TOMM34: variants seen among roughly 807,000 people sequenced by gnomAD.
TOMM34 encodes the protein mitochondrial import receptor subunit TOM34.
In TOMM34, 24 loss-of-function variants were observed where a neutral mutation model predicts 37.4. The ratio of observed to expected loss-of-function variants is 0.64; its 90% confidence interval spans 0.46 to 0.90. TOMM34 has a LOEUF of 0.90. Among genes scored for constraint, TOMM34 ranks in the 40% least tolerant of loss-of-function variants. The pLI, the probability that TOMM34 is intolerant of heterozygous loss-of-function variation, is 0.00. For missense variants in TOMM34, 304 were observed against 375.6 expected (o/e 0.81, Z 1.58); for synonymous variants, 154 against 148.9 (o/e 1.03, Z -0.25).
In TOMM34 at chr20:44,952,012, A is replaced by G; in HGVS notation, c.381-10T>C. On this transcript the variant is annotated splice_polypyrimidine_tract_variant and intron_variant, in intron 3 of 6. Coordinates refer to ENST00000372813, the MANE Select transcript of TOMM34 (RefSeq NM_006809.5). ...GAGAGCTCTGGTCATTCTGGAAAAG[A>G]AGGCAGGATTGCAGGGAGGTTTCCA... The G allele has an allele frequency of 1.2e-5, 19 of 1,603,954 alleles. No homozygotes were observed. Among genetic ancestry groups the G allele is most frequent in the East Asian group, 6.7e-5 (3 of 44,638 alleles).
In TOMM34 at chr20:44,956,424, C is replaced by G; in HGVS notation, c.189G>C (p.Lys63Asn). The change falls in exon 2 of 7, where the codon AAG becomes AAC. Residue 63 changes from lysine to asparagine, a missense_variant. Coordinates refer to ENST00000372813, the MANE Select transcript of TOMM34 (RefSeq NM_006809.5). ...LYSNRAACHL[K>N]DGNCRDCIKD... Reference sequence around the variant, plus strand: ...TGATGCAGTCTCTGCAGTTTCCATCCTTCAAGTGACATGCTGCTCGGTTGG... The same window carrying G: ...TGATGCAGTCTCTGCAGTTTCCATCGTTCAAGTGACATGCTGCTCGGTTGG... The G allele has an allele frequency of 1.2e-6, 2 of 1,614,216 alleles. No individual in the cohort carries two copies. The highest frequency in any genetic ancestry group is 1.7e-6 in the Non-Finnish European group (2 of 1,180,046).
At position 44,960,382 on chromosome 20, in the gene TOMM34, T is replaced by C; in HGVS notation, c.-49A>G. Reference sequence around the variant, plus strand: ...GGAGCTCCTTCCTTCCTCCCCCGTGTGGTGCGGCACACCTTCCGGGCGCAA... The same window carrying C: ...GGAGCTCCTTCCTTCCTCCCCCGTGCGGTGCGGCACACCTTCCGGGCGCAA... On this transcript the variant is annotated 5_prime_UTR_variant, in exon 1 of 7. Coordinates refer to ENST00000372813, the MANE Select transcript of TOMM34 (RefSeq NM_006809.5). 6.7e-7 allele frequency: 1 copy of C among 1,493,706 alleles called. No homozygotes were observed. The highest frequency in any genetic ancestry group is 9.0e-7 in the Non-Finnish European group (1 of 1,116,840). The allele number at this position is 1,493,706 out of a possible 1,614,324, so 92.5% of individuals were successfully genotyped here. A position where few individuals can be genotyped will look rare whatever the true frequency, so the allele number is the denominator to read the frequency against.
intron 3 of TOMM34, 31 bp downstream of exon 3, chr20:44,955,037 G>A (rs751011863): frequency 8.7e-6 from 14 of 1,611,438 alleles, no homozygotes; most frequent in South Asian, 3.3e-5. Flanking sequence ...GGGAGTTGCC[G>A]TGGAGACCAC....
chr20:44,951,758 A>G (rs1043349588), intron 4 of TOMM34, 75 bp downstream of exon 4: 1 of 1,515,018 alleles, frequency 6.6e-7, no homozygotes, highest in Non-Finnish European at 8.9e-7. Flanking sequence ...AAACAATGCC[A>G]ATTTTTGCAG....
At chr20:44,955,737 G>A in intron 2 of TOMM34, 1 of 425,956 alleles carries the variant, frequency 2.3e-6, no homozygotes, top group Non-Finnish European at 4.7e-6. Context: ...CACAAGGCAT[G>A]GCACAAATTA....
intron 4 of TOMM34, 33 bp downstream of exon 4, chr20:44,951,800 T>C (rs371430847): frequency 2.2e-4 from 346 of 1,595,860 alleles, no homozygotes; most frequent in Middle Eastern, 1.5e-3. Context: ...TAGTGGGAGA[T>C]TGCAAGACTC....
chr20:44,947,994 T>C lies in TOMM34; in HGVS notation c.698+736A>G, dbSNP rs1007354708. On this transcript the variant is annotated intron_variant, in intron 5 of 6. Coordinates refer to ENST00000372813, the MANE Select transcript of TOMM34 (RefSeq NM_006809.5). The stretch of plus-strand genomic sequence containing the variant: ...GCTGAATGTTTCAAGCTTCTGAGAG[T>C]AAAAGTAACAGGAAGATCTTGTTGA... Among the ~76,000 whole-genome samples, 3 of 152,206 alleles carry C rather than the reference T, an allele frequency of 2.0e-5. No homozygotes were observed. In the East Asian group the frequency reaches 5.8e-4, roughly 29 times the overall value.
At chr20:44,944,457 T>C (rs2066963600) in intron 5 of TOMM34, among the ~76,000 whole-genome samples, 1 of 152,226 alleles carries the variant, frequency 6.6e-6, no homozygotes, top group East Asian at 1.9e-4. Context: ...ACCAATTTCC[T>C]ATCAAGAGGT....
intron 2 of TOMM34, 183 bp from the exon 3 acceptor site, chr20:44,955,403 GGAGA>G: frequency 1.4e-6 from 1 of 712,152 alleles, no homozygotes; most frequent in South Asian, 1.6e-5. Flanking sequence ...GAAGTGAGGA[GGAGA>G]AAGAAGGCAG....
Position 44,942,904 on chromosome 20 carries a change from G to T in TOMM34, c.*205C>A. On this transcript the variant is annotated 3_prime_UTR_variant, in exon 7 of 7. Transcript: ENST00000372813. ...TAGCTCTAGTGGGGACCTTTCTGGT[G>T]CAACAACCATGTCTGTGTTTGACTA... is the stretch of plus-strand genomic sequence containing the variant. 1.7e-6 allele frequency: 1 copy of T among 605,090 alleles called. No homozygotes were observed. The highest frequency in any genetic ancestry group is 3.0e-6 in the Non-Finnish European group (1 of 338,442). 37.5% of individuals were successfully genotyped at this position (605,090 alleles called of 1,614,324 possible).
Position 44,955,058 on chromosome 20 carries a change from T to G in TOMM34, c.380+10A>C. Reference sequence around the variant, plus strand: ...TGCCGTGGAGACCACCTGCTGGGAATGGAGCTCACCTGTTGATGCCTTCTA... The same window carrying G: ...TGCCGTGGAGACCACCTGCTGGGAAGGGAGCTCACCTGTTGATGCCTTCTA... On this transcript the variant is annotated intron_variant, in intron 3 of 6. Coordinates refer to ENST00000372813, the MANE Select transcript of TOMM34 (RefSeq NM_006809.5). The G allele has an allele frequency of 4.3e-6, 7 of 1,613,754 alleles. No homozygotes were observed. The highest frequency in any genetic ancestry group is 1.1e-5 in the South Asian group (1 of 91,052).
chr20:44,960,170 A>G, intron 1 of TOMM34, 37 bp downstream of exon 1: 1 of 1,538,242 alleles, frequency 6.5e-7, no homozygotes, highest in Non-Finnish European at 8.8e-7. Context: ...GAGTTGGAGG[A>G]GCAGGCCCGG....
intron 2 of TOMM34, among the ~76,000 whole-genome samples, chr20:44,955,995 T>C (rs2067069042): frequency 6.6e-6 from 1 of 152,128 alleles, no homozygotes; most frequent in Admixed American, 6.6e-5. Flanking sequence ...TCTGAGACAA[T>C]CTATTAACCT....
Position 44,955,136 on chromosome 20 carries a change from G to C in TOMM34, c.312C>G (p.Ala104=), listed in dbSNP as rs1328087803. 6.2e-7 allele frequency: 1 copy of C among 1,614,182 alleles called. No homozygotes were observed. The highest frequency in any genetic ancestry group is 1.1e-5 in the South Asian group (1 of 91,084). The change falls in exon 3 of 7, where the codon GCC becomes GCG. Residue 104 remains alanine, a synonymous_variant. Coordinates refer to ENST00000372813, the MANE Select transcript of TOMM34 (RefSeq NM_006809.5). ...GCAGCACAGTCTTATAGTCAACATA[G>C]GCCATAGGGTACTTCTCCAGAGCCT... ...AYEALEKYPM[A]YVDYKTVLQI...
intron 5 of TOMM34, among the ~76,000 whole-genome samples, chr20:44,947,594 G>A (rs1029732023): frequency 1.3e-5 from 2 of 152,124 alleles, no homozygotes; most frequent in African/African-American, 2.4e-5. Flanking sequence ...TGCCTCCTGG[G>A]TTCAAGTGAT....
chr20:44,958,518 G>A (rs1601152898), intron 1 of TOMM34: 2 of 389,626 alleles, frequency 5.1e-6, no homozygotes. Flanking sequence ...CTGATCATGC[G>A]TGCCCACCTA....
At chr20:44,955,520 T>C (rs558614040) in intron 2 of TOMM34, 64 of 513,664 alleles carry the variant, frequency 1.2e-4, no homozygotes, top group South Asian at 9.1e-4. Flanking sequence ...CATGCTACTA[T>C]GTTTTTTTAC....
intron 2 of TOMM34, chr20:44,955,474 T>G: frequency 1.6e-6 from 1 of 607,534 alleles, no homozygotes; most frequent in South Asian, 1.5e-5. Context: ...ATAGTTTCAG[T>G]TCCCCCAAAA....
chr20:44,955,356 C>T (rs1383099766), intron 2 of TOMM34, 136 bp from the exon 3 acceptor site: 49 of 1,075,270 alleles, frequency 4.6e-5, no homozygotes, highest in Non-Finnish European at 6.1e-5. Flanking sequence ...TGGCTAAAAA[C>T]GCCAAACCTC....
Sources: gnomAD v4.1 joint callset for allele counts (sites outside exome capture counted in the v4.1 genomes callset) on GRCh38, gnomAD v4.1.1 for gene constraint, MANE v1.5 for transcripts, NCBI Gene and HGNC (gene_info 2026-07-23, HGNC 2026-07-21) for gene names.